ACOX3: variants seen among roughly 807,000 people sequenced by gnomAD.
The protein encoded by ACOX3 is peroxisomal acyl-coenzyme A oxidase 3.
In ACOX3, 73 loss-of-function variants were observed where a neutral mutation model predicts 81.5. The observed-to-expected ratio is 0.90, with a 90% CI of 0.74 to 1.09. The LOEUF is 1.09. Among genes scored for constraint, ACOX3 ranks in the 50% least tolerant of loss-of-function variants. The pLI, the probability that ACOX3 is intolerant of heterozygous loss-of-function variation, is 0.00. For synonymous variants in ACOX3, 387 were observed against 375.1 expected, an observed-to-expected ratio of 1.03 and a Z score of -0.37; for missense variants, 947 against 928.0, an observed-to-expected ratio of 1.02 and a Z score of -0.27.
chr4:8,384,284 T>C lies in ACOX3; in HGVS notation c.1538-2677A>G, dbSNP rs1015271538. On this transcript the variant is annotated intron_variant, in intron 13 of 17. Transcript: ENST00000356406. The surrounding 1 kb of genome is among the most constrained non-coding windows in gnomAD (Gnocchi z 5.3). Reference sequence around the variant, plus strand: ...TTCGTGAAAAAATAAATCATGTCAGTCTGATGTGTTCATGTGCAGGGGAGA... The same window carrying C: ...TTCGTGAAAAAATAAATCATGTCAGCCTGATGTGTTCATGTGCAGGGGAGA... Among the ~76,000 whole-genome samples the C allele has an allele frequency of 1.3e-5, 2 of 152,198 alleles. No individual in the cohort carries two copies. The highest frequency in any genetic ancestry group is 4.8e-5 in the African/African-American group (2 of 41,432).
In ACOX3 at chr4:8,431,475, A is replaced by T. The variant is rs953279750; in HGVS notation, c.-15+9173T>A. ...GGGAACACGGGCCTCTCTGTGAGTC[A>T]GGGTGGTGGGGAGGTAGGAAGAGAG... On this transcript the variant is annotated intron_variant, in intron 1 of 17. Transcript: ENST00000356406. This position sits in a 1 kb window ranked among gnomAD's most constrained non-coding sequence, Gnocchi z 5.3. 6.6e-6 allele frequency among the ~76,000 whole-genome samples: 1 copy of T among 152,198 alleles called. No homozygotes were observed. The highest frequency in any genetic ancestry group is 1.5e-5 in the Non-Finnish European group (1 of 68,020).
rs1560192786 is a variant in ACOX3, at chr4:8,407,778, CG to C, written c.688-1736del. On this transcript the variant is annotated intron_variant, in intron 6 of 17. Transcript: ENST00000356406. The surrounding 1 kb of genome is among the most constrained non-coding windows in gnomAD (Gnocchi z 4.6). ...TACAGGTCCAGCCAGCTAATGGCTG[CG>C]CACTGTGGGAACTCGACGGAAGGAC... Among the ~76,000 whole-genome samples the C allele has an allele frequency of 1.3e-5, 2 of 152,216 alleles. No individual in the cohort carries two copies. Among genetic ancestry groups the C allele is most frequent in the African/African-American group, 4.8e-5 (2 of 41,460 alleles).
chr4:8,373,171 G>A (rs1307703405), intron 16 of ACOX3, among the ~76,000 whole-genome samples: 2 of 152,226 alleles, frequency 1.3e-5, no homozygotes, highest in Non-Finnish European at 2.9e-5. Context: ...GCTGCAAAAG[G>A]TGTGTGAGAG....
At chr4:8,363,935 G>A (rs1031475551), downstream of ACOX3, among the ~76,000 whole-genome samples, 9 of 152,170 alleles carry the variant, frequency 5.9e-5, no homozygotes, top group African/African-American at 2.2e-4. Context: ...ATATCACCAA[G>A]AAATAACCAT....
chr4:8,416,502 C>G lies in ACOX3; in HGVS notation c.20G>C (p.Gly7Ala). 17 of 1,610,610 alleles carry G rather than the reference C, an allele frequency of 1.1e-5. No homozygotes were observed. Among genetic ancestry groups the G allele is most frequent in the Non-Finnish European group, 1.4e-5 (17 of 1,177,890 alleles). MASTVE[G>A]GDTALLPEFP... ...TTCTGGGAGCAGAGCTGTGTCGCCTCCTTCCACAGTGGATGCCATCGCGTG... is the reference window on the plus strand; with the variant it reads ...TTCTGGGAGCAGAGCTGTGTCGCCTGCTTCCACAGTGGATGCCATCGCGTG... The change falls in exon 2 of 18, where the codon GGA becomes GCA. Residue 7 changes from glycine to alanine, a missense_variant. Coordinates refer to ENST00000356406, the MANE Select transcript of ACOX3 (RefSeq NM_003501.3). This position sits in a 1 kb window ranked among gnomAD's most constrained non-coding sequence, Gnocchi z 4.2.
At chr4:8,373,727 G>A (rs568279987) in intron 15 of ACOX3, 99 bp from the exon 16 acceptor site, 2 of 1,152,130 alleles carry the variant, frequency 1.7e-6, no homozygotes, top group Admixed American at 2.0e-5. Context: ...GGCCATATAG[G>A]AGGCCTGTTT....
In ACOX3 at chr4:8,436,984, T is replaced by TC. The variant is rs1724279735; in HGVS notation, c.-15+3663dup. Among the ~76,000 whole-genome samples the TC allele has an allele frequency of 1.9e-5, 2 of 105,974 alleles. 1 individual carries two copies. Among genetic ancestry groups the TC allele is most frequent in the South Asian group, 6.9e-4 (2 of 2,878 alleles). 69.5% of individuals were successfully genotyped at this position (105,974 alleles called of 152,430 possible). A position where few individuals can be genotyped will look rare whatever the true frequency, so the allele number is the denominator to read the frequency against. ...TCCAGCCTTGGCAACAGAGCGAGACTCCATCTCAAAAAAAAAAAAAAAATC... is the reference window on the plus strand; with the variant it reads ...TCCAGCCTTGGCAACAGAGCGAGACTCCCATCTCAAAAAAAAAAAAAAAATC... On this transcript the variant is annotated intron_variant, in intron 1 of 17. Transcript: ENST00000356406.
At chr4:8,408,898 G>GGGGGT in intron 6 of ACOX3, among the ~76,000 whole-genome samples, 2 of 57,896 alleles carry the variant, frequency 3.5e-5, no homozygotes, top group African/African-American at 5.4e-5. Flanking sequence ...CACTGGGGGG[G>GGGGGT]GGGGGTGGGG....
rs1718756071 is a variant in ACOX3, at chr4:8,389,862, T to C, written c.1301-128A>G. The C allele has an allele frequency of 1.9e-5, 24 of 1,275,134 alleles. No homozygotes were observed. Among genetic ancestry groups the C allele is most frequent in the Non-Finnish European group, 2.5e-5 (23 of 922,462 alleles). 79.0% of individuals were successfully genotyped at this position (1,275,134 alleles called of 1,614,324 possible). ...GCTCACACCTGTAATGGCAGCACTT[T>C]GGGGGGCCGAGGCGGGTGGATCACT... On this transcript the variant is annotated intron_variant, in intron 11 of 17. Coordinates refer to ENST00000356406, the MANE Select transcript of ACOX3 (RefSeq NM_003501.3). This position sits in a 1 kb window ranked among gnomAD's most constrained non-coding sequence, Gnocchi z 5.3.
At chr4:8,373,938 G>C (rs1363829870) in intron 15 of ACOX3, 1 of 441,886 alleles carries the variant, frequency 2.3e-6, no homozygotes, top group African/African-American at 2.0e-5. Context: ...CAGGGAGGCT[G>C]GGCGGGTTCC....
chr4:8,383,285 G>A (rs1010547590), intron 13 of ACOX3, among the ~76,000 whole-genome samples: 3 of 152,216 alleles, frequency 2.0e-5, no homozygotes, highest in Non-Finnish European at 4.4e-5. Context: ...GGCTCCCCTC[G>A]CCAAGTCCTG....
At chr4:8,411,761 G>A (rs1721752398) in intron 5 of ACOX3, among the ~76,000 whole-genome samples, 2 of 152,180 alleles carry the variant, frequency 1.3e-5, no homozygotes, top group Non-Finnish European at 2.9e-5. Context: ...ACTTCTTTCT[G>A]TTGGTGTCTG....
chr4:8,402,209 G>A (rs960830475), intron 7 of ACOX3, among the ~76,000 whole-genome samples: 5 of 152,348 alleles, frequency 3.3e-5, no homozygotes, highest in African/African-American at 1.2e-4. Flanking sequence ...GGGTGGGGAC[G>A]GGGCTGGAGC....
Position 8,399,069 on chromosome 4 carries a change from G to A in ACOX3, c.873+487C>T, listed in dbSNP as rs539751280. Among the ~76,000 whole-genome samples the A allele has an allele frequency of 1.3e-5, 2 of 152,212 alleles. No homozygotes were observed. Among genetic ancestry groups the A allele is most frequent in the Admixed American group, 6.5e-5 (1 of 15,272 alleles). On this transcript the variant is annotated intron_variant, in intron 8 of 17. Coordinates refer to ENST00000356406, the MANE Select transcript of ACOX3 (RefSeq NM_003501.3). The surrounding 1 kb of genome is among the most constrained non-coding windows in gnomAD (Gnocchi z 4.9). ...ACTGTTATTCCAAGGGTGCATGCTC[G>A]GGGTGGCCCACCTGCTGTGAGCTCA...
At chr4:8,422,309 G>A (rs1723033725) in intron 1 of ACOX3, among the ~76,000 whole-genome samples, 1 of 152,026 alleles carries the variant, frequency 6.6e-6, no homozygotes, top group Admixed American at 6.6e-5. Context: ...TAAAAGCCAG[G>A]GTAAATTTAA....
In ACOX3 at chr4:8,406,792, A is replaced by T. The variant is rs987376479; in HGVS notation, c.688-749T>A. 2.8e-4 allele frequency among the ~76,000 whole-genome samples: 43 copies of T among 152,350 alleles called. No homozygotes were observed. Among genetic ancestry groups the T allele is most frequent in the Admixed American group, 1.4e-3 (22 of 15,304 alleles). ...TTTCACTAATTTGCTACTGCTATCT[A>T]GAAGGCAGAGCCAGGTGTACAGGAT... On this transcript the variant is annotated intron_variant, in intron 6 of 17. Transcript: ENST00000356406. This position sits in a 1 kb window ranked among gnomAD's most constrained non-coding sequence, Gnocchi z 5.6.
In ACOX3 at chr4:8,416,448, C is replaced by G; in HGVS notation, c.74G>C (p.Arg25Pro). The change falls in exon 2 of 18, where the codon CGA (arginine) becomes CCA (proline). Residue 25 changes from arginine to proline, a missense_variant. Coordinates refer to ENST00000356406, the MANE Select transcript of ACOX3 (RefSeq NM_003501.3). This position sits in a 1 kb window ranked among gnomAD's most constrained non-coding sequence, Gnocchi z 4.2. ...EFPRGPLDAY[R>P]ARASFSWKEL... ...CTTCCAGCTGAAGGACGCTCTTGCT[C>G]GGTAGGCATCGAGGGGCCCCCTGGG... 6.2e-7 allele frequency: 1 copy of G among 1,614,156 alleles called. No individual in the cohort carries two copies. Among genetic ancestry groups the G allele is most frequent in the Non-Finnish European group, 8.5e-7 (1 of 1,180,020 alleles).
chr4:8,430,911 GGAGT>G lies in ACOX3; in HGVS notation c.-15+9733_-15+9736del, dbSNP rs1282232022. ...TGGGAAATGATTTGGGTCCATTGCA[GGAGT>G]GAGAGGGAGAGGGAAGCCATTTCTA... On this transcript the variant is annotated intron_variant, in intron 1 of 17. Coordinates refer to ENST00000356406, the MANE Select transcript of ACOX3 (RefSeq NM_003501.3). This position sits in a 1 kb window ranked among gnomAD's most constrained non-coding sequence, Gnocchi z 5.2. Among the ~76,000 whole-genome samples, 3 of 152,132 alleles carry G rather than the reference GGAGT, an allele frequency of 2.0e-5. No homozygotes were observed. The highest frequency in any genetic ancestry group is 2.9e-5 in the Non-Finnish European group (2 of 68,022).
rs1038477331 is a variant in ACOX3, at chr4:8,414,765, C to T, written c.453+89G>A. 1.0e-5 allele frequency: 14 copies of T among 1,341,914 alleles called. No individual in the cohort carries two copies. The highest frequency in any genetic ancestry group is 7.2e-5 in the African/African-American group (5 of 69,038). The allele number at this position is 1,341,914 out of a possible 1,614,324, so 83.1% of individuals were successfully genotyped here. On this transcript the variant is annotated intron_variant, in intron 4 of 17. Transcript: ENST00000356406. The surrounding 1 kb of genome is among the most constrained non-coding windows in gnomAD (Gnocchi z 6.1). ...AAGAAGAGCATAAGCCCCCTGGGCA[C>T]CCCCTTCTACAATCTTCTCTTTTCA... is the stretch of plus-strand genomic sequence containing the variant.
Sources: allele counts gnomAD v4.1 joint callset (sites outside exome capture counted in the v4.1 genomes callset), GRCh38; gene constraint gnomAD v4.1.1; non-coding constraint Gnocchi (gnomAD v3.1); transcripts MANE v1.5; gene names NCBI Gene and HGNC (gene_info 2026-07-23, HGNC 2026-07-21).